SH2B3: variants seen among roughly 807,000 people sequenced by gnomAD.
The protein encoded by SH2B3 is SH2B adapter protein 3.
Under a neutral mutation model 51.9 loss-of-function variants are expected in SH2B3, and 43 were observed. The observed-to-expected ratio is 0.83, with a 90% CI of 0.65 to 1.07. SH2B3 has a LOEUF of 1.07. Ranked by LOEUF, SH2B3 falls within the 50% of genes least tolerant of loss-of-function variation. The pLI, the probability that SH2B3 is intolerant of heterozygous loss-of-function variation, is 0.00. For synonymous variants in SH2B3, 396 were observed against 376.0 expected, an observed-to-expected ratio of 1.05 and a Z score of -0.62; for missense variants, 952 against 834.3, an observed-to-expected ratio of 1.14 and a Z score of -1.74.
chr12:111,418,595 G>A lies in SH2B3; in HGVS notation c.450G>A (p.Ser150=), dbSNP rs1871281661. ...TCCGCCACATCTTCCGCCGCCGCTC[G>A]GCCGGGGAGCTGCCAGCGGCCCACA... ...RSLRHIFRRR[S]AGELPAAHTA... The change falls in exon 2 of 8, where the codon TCG becomes TCA. Residue 150 remains serine, a synonymous_variant. Coordinates refer to ENST00000341259, the MANE Select transcript of SH2B3 (RefSeq NM_005475.3). This position sits in a 1 kb window ranked among gnomAD's most constrained non-coding sequence, Gnocchi z 6.7. The A allele has an allele frequency of 1.3e-5, 20 of 1,490,616 alleles. No homozygotes were observed. The highest frequency in any genetic ancestry group is 1.8e-5 in the Non-Finnish European group (20 of 1,127,722). 92.3% of individuals were successfully genotyped at this position (1,490,616 alleles called of 1,614,324 possible). A position where few individuals can be genotyped will look rare whatever the true frequency, so the allele number is the denominator to read the frequency against.
intron 2 of SH2B3, among the ~76,000 whole-genome samples, chr12:111,445,395 C>G (rs1873848364): frequency 6.6e-6 from 1 of 152,222 alleles, no homozygotes; most frequent in Non-Finnish European, 1.5e-5. Flanking sequence ...AGGCCCCACT[C>G]CCTGCACACT....
At position 111,448,599 on chromosome 12, in the gene SH2B3, A is replaced by C. The variant is rs1165372139; in HGVS notation, c.*297A>C. On this transcript the variant is annotated 3_prime_UTR_variant, in exon 8 of 8. Coordinates refer to ENST00000341259, the MANE Select transcript of SH2B3 (RefSeq NM_005475.3). ...AGTCCCCGTTACTCTTAGAGAAAGG[A>C]GTTGGGGTGAGGGCCAGAGCTGGCA... 5 of 339,374 alleles carry C rather than the reference A, an allele frequency of 1.5e-5. No individual in the cohort carries two copies. Among genetic ancestry groups the C allele is most frequent in the African/African-American group, 2.1e-5 (1 of 47,766 alleles). 21.0% of individuals were successfully genotyped at this position (339,374 alleles called of 1,614,324 possible).
At chr12:111,416,081 A>C (rs1871063215) in intron 1 of SH2B3, among the ~76,000 whole-genome samples, 1 of 151,972 alleles carries the variant, frequency 6.6e-6, no homozygotes, top group African/African-American at 2.4e-5. Flanking sequence ...AGCTGGGACT[A>C]CAGGTGCCTG....
At chr12:111,420,861 C>T (rs1871491555) in intron 2 of SH2B3, among the ~76,000 whole-genome samples, 1 of 152,140 alleles carries the variant, frequency 6.6e-6, no homozygotes, top group South Asian at 2.1e-4. Flanking sequence ...CCCGGTTTGG[C>T]GGTTTGGGAG....
chr12:111,447,538 A>G lies in SH2B3; in HGVS notation c.1230A>G (p.Ile410Met). Residue 410 changes from isoleucine (I) to methionine (M), a missense_variant, in exon 6 of 8, where the codon ATA becomes ATG. Ile to Met is a conservative substitution (Grantham distance 10). Transcript: ENST00000341259. ...EYVLTFNFQG[I>M]AKHLRLSLTE... ...TGCTCACTTTCAACTTTCAGGGGAT[A>G]GCCAAGGTATGGGGTGGGGTGGGGT... 3 of 639,770 alleles carry G rather than the reference A, an allele frequency of 4.7e-6. No individual in the cohort carries two copies. The highest frequency in any genetic ancestry group is 4.8e-6 in the Non-Finnish European group (2 of 414,300). The allele number at this position is 639,770 out of a possible 1,614,324, so 39.6% of individuals were successfully genotyped here. A position where few individuals can be genotyped will look rare whatever the true frequency, so the allele number is the denominator to read the frequency against.
chr12:111,435,102 TC>T lies in SH2B3; in HGVS notation c.733-11647del, dbSNP rs952669100. On this transcript the variant is annotated intron_variant, in intron 2 of 7. Transcript: ENST00000341259. This position sits in a 1 kb window ranked among gnomAD's most constrained non-coding sequence, Gnocchi z 4.8. ...GAGTCCCCTCTCCTCTGGTGCACTC[TC>T]CCCACCCGAGACGGGCGACAGAGGT... The T allele has an allele frequency of 3.4e-6, 4 of 1,192,078 alleles. No homozygotes were observed. Among genetic ancestry groups the T allele is most frequent in the Non-Finnish European group, 4.7e-6 (4 of 856,062 alleles). 73.8% of individuals were successfully genotyped at this position (1,192,078 alleles called of 1,614,324 possible).
intron 2 of SH2B3, chr12:111,434,877 C>T (rs781712353): frequency 1.3e-4 from 194 of 1,535,276 alleles, no homozygotes; most frequent in Non-Finnish European, 1.5e-4. Context: ...AATGAGAGTC[C>T]GTGCCGGGTG....
upstream of SH2B3, among the ~76,000 whole-genome samples, chr12:111,405,526 C>A (rs898389050): frequency 6.6e-6 from 1 of 152,158 alleles, no homozygotes; most frequent in Non-Finnish European, 1.5e-5. The surrounding 1 kb of genome is among the most constrained non-coding windows in gnomAD (Gnocchi z 5.4). Flanking sequence ...GCCCTAGGCC[C>A]CGCCCCTTCA....
In SH2B3 at chr12:111,449,859, G is replaced by A. The variant is rs956860224; in HGVS notation, c.*1557G>A. ...TATACTTAGTCTCTGTGCTCCAAGA[G>A]GTCAAATTTTTGCTTCTAGAATTTC... On this transcript the variant is annotated 3_prime_UTR_variant, in exon 8 of 8. Transcript: ENST00000341259. 6 of 152,212 alleles carry A rather than the reference G, an allele frequency of 3.9e-5. No individual in the cohort carries two copies. Among genetic ancestry groups the A allele is most frequent in the Non-Finnish European group, 2.9e-5 (2 of 68,092 alleles). 9.4% of individuals were successfully genotyped at this position (152,212 alleles called of 1,614,324 possible). A position where few individuals can be genotyped will look rare whatever the true frequency, so the allele number is the denominator to read the frequency against.
Position 111,409,433 on chromosome 12 carries a change from G to A in SH2B3, c.-28+3156G>A, listed in dbSNP as rs757782525. Among the ~76,000 whole-genome samples, 4 of 152,204 alleles carry A rather than the reference G, an allele frequency of 2.6e-5. No homozygotes were observed. Among genetic ancestry groups the A allele is most frequent in the East Asian group, 1.9e-4 (1 of 5,196 alleles). On this transcript the variant is annotated intron_variant, in intron 1 of 7. Coordinates refer to ENST00000341259, the MANE Select transcript of SH2B3 (RefSeq NM_005475.3). The surrounding 1 kb of genome is among the most constrained non-coding windows in gnomAD (Gnocchi z 4.0). ...AAACGGTCCCCAAGGGCCCGCGGGC[G>A]TTCAGCATCTTTGACGAGGCAGGGC...
Position 111,450,610 on chromosome 12 carries a change from C to G in SH2B3, c.*2308C>G, listed in dbSNP as rs1254557233. The G allele has an allele frequency of 3.9e-5, 6 of 152,280 alleles. No homozygotes were observed. The highest frequency in any genetic ancestry group is 3.9e-4 in the Admixed American group (6 of 15,282). The allele number at this position is 152,280 out of a possible 1,614,324, so 9.4% of individuals were successfully genotyped here. The stretch of plus-strand genomic sequence containing the variant: ...CTCTCAGGTGGTGCCAAGAGGCACA[C>G]CAGGTAGAGCAAACTTAGCAGCTCT... On this transcript the variant is annotated 3_prime_UTR_variant, in exon 8 of 8. Coordinates refer to ENST00000341259, the MANE Select transcript of SH2B3 (RefSeq NM_005475.3).
chr12:111,445,536 T>C (rs930057298), intron 2 of SH2B3, among the ~76,000 whole-genome samples: 1 of 152,226 alleles, frequency 6.6e-6, no homozygotes, highest in Non-Finnish European at 1.5e-5. Flanking sequence ...GCTGGAATTT[T>C]CTAGTCATGC....
At chr12:111,415,784 G>A (rs1394449612) in intron 1 of SH2B3, among the ~76,000 whole-genome samples, 1 of 151,606 alleles carries the variant, frequency 6.6e-6, no homozygotes, top group Non-Finnish European at 1.5e-5. Flanking sequence ...ACCACACCCA[G>A]CTAATTTTTG....
chr12:111,433,941 C>T (rs1323452855), intron 2 of SH2B3, among the ~76,000 whole-genome samples: 1 of 152,100 alleles, frequency 6.6e-6, no homozygotes, highest in Non-Finnish European at 1.5e-5. Flanking sequence ...TGCATTTCCC[C>T]AATGGAAAAT....
chr12:111,412,147 C>T (rs1593029193), intron 1 of SH2B3, among the ~76,000 whole-genome samples: 1 of 152,214 alleles, frequency 6.6e-6, no homozygotes, highest in Non-Finnish European at 1.5e-5. Context: ...CTTGTCAGCC[C>T]CTGATCCCAG....
intron 1 of SH2B3, among the ~76,000 whole-genome samples, chr12:111,415,111 A>C (rs951427891): frequency 1.3e-5 from 2 of 152,138 alleles, no homozygotes; most frequent in African/African-American, 4.8e-5. Flanking sequence ...GGAGGCAGCA[A>C]ATGTACCCAG....
intron 2 of SH2B3, among the ~76,000 whole-genome samples, chr12:111,428,621 G>A (rs751429327): frequency 2.6e-4 from 40 of 152,152 alleles, no homozygotes; most frequent in Non-Finnish European, 3.5e-4. Flanking sequence ...TTGATTTTGG[G>A]AGCACAAAGT....
At chr12:111,414,147 TC>T (rs1055194645) in intron 1 of SH2B3, among the ~76,000 whole-genome samples, 1 of 152,140 alleles carries the variant, frequency 6.6e-6, no homozygotes, top group African/African-American at 2.4e-5. Context: ...GGTTAGACCC[TC>T]CCCCCTTCAG....
At chr12:111,404,837 C>A (rs368522918), upstream of SH2B3, among the ~76,000 whole-genome samples, 1 of 152,342 alleles carries the variant, frequency 6.6e-6, no homozygotes, top group East Asian at 1.9e-4. Context: ...ATTTCCATTT[C>A]ATAGGCAAGG....
Sources: gnomAD v4.1 joint callset for allele counts (sites outside exome capture counted in the v4.1 genomes callset) on GRCh38, gnomAD v4.1.1 for gene constraint, Gnocchi (gnomAD v3.1) non-coding constraint, MANE v1.5 for transcripts, NCBI Gene and HGNC (gene_info 2026-07-23, HGNC 2026-07-21) for gene names.